The following RC3H1 variants were observed in gnomAD, a reference collection of about 807,000 sequenced individuals.
The protein encoded by RC3H1 is ring finger and CCCH-type domains 1.
Under a neutral mutation model 138.2 loss-of-function variants are expected in RC3H1, and 50 were observed. That is an observed-to-expected ratio of 0.36 (90% CI 0.29 to 0.46). RC3H1 has a LOEUF of 0.46. Ranked by LOEUF, RC3H1 falls within the 20% of genes least tolerant of loss-of-function variation. RC3H1 has a pLI of 1.00. For synonymous variants in RC3H1, 462 were observed against 489.1 expected (o/e 0.94, Z 0.73); for missense variants, 1,031 against 1,388.1 (o/e 0.74, Z 4.09).
intron 1 of RC3H1, among the ~76,000 whole-genome samples, chr1:174,003,861 C>T (rs915441019): frequency 2.6e-4 from 39 of 151,638 alleles, no homozygotes; most frequent in African/African-American, 9.4e-4. Flanking sequence ...CGGGGTTTCA[C>T]CGTGTTAGCC....
intron 2 of RC3H1, 44 bp downstream of exon 2, chr1:173,992,711 G>GAT (rs1398190489): frequency 7.1e-7 from 1 of 1,401,134 alleles, no homozygotes; most frequent in East Asian, 2.3e-5. Context: ...GAGAGAGAGA[G>GAT]AGAGAGAGGG....
chr1:173,982,001 T>C (rs1248606859), intron 5 of RC3H1, among the ~76,000 whole-genome samples: 1 of 152,226 alleles, frequency 6.6e-6, no homozygotes, highest in African/African-American at 2.4e-5. Context: ...TAAGAGACTA[T>C]GTCCAGCATT....
chr1:173,994,124 T>C lies in RC3H1; in HGVS notation c.-150-989A>G, dbSNP rs912173871. ...TAACTTTTGACAGCCAGGCGCGGTG[T>C]CTCAGGTTTGTAATCCCAGCGCTTT... On this transcript the variant is annotated intron_variant, in intron 1 of 19. Transcript: ENST00000367696. 4.7e-5 allele frequency among the ~76,000 whole-genome samples: 7 copies of C among 148,184 alleles called. No individual in the cohort carries two copies. The East Asian group carries it at 6.1e-4, about 13-fold the overall frequency.
chr1:174,010,404 A>G (rs758839649), intron 1 of RC3H1, among the ~76,000 whole-genome samples: 1 of 151,882 alleles, frequency 6.6e-6, no homozygotes, highest in Admixed American at 6.6e-5. Flanking sequence ...CTAGATCACA[A>G]AGCAACCTTT....
intron 13 of RC3H1, among the ~76,000 whole-genome samples, chr1:173,956,708 G>T (rs991176491): frequency 6.7e-6 from 1 of 149,284 alleles, no homozygotes; most frequent in Non-Finnish European, 1.5e-5. Context: ...ATATCACTCT[G>T]TATCCCATAA....
chr1:173,960,571 G>A (rs1659829458), intron 13 of RC3H1, among the ~76,000 whole-genome samples: 2 of 152,130 alleles, frequency 1.3e-5, no homozygotes, highest in Admixed American at 6.6e-5. Flanking sequence ...CTACCATACT[G>A]GACAGCACAG....
Position 173,984,557 on chromosome 1 carries a change from T to A in RC3H1, c.294A>T (p.Glu98Asp). 1 of 1,614,044 alleles carries A rather than the reference T, an allele frequency of 6.2e-7. No individual in the cohort carries two copies. Among genetic ancestry groups the A allele is most frequent in the East Asian group, 2.2e-5 (1 of 44,864 alleles). Residue 98 changes from glutamate (E) to aspartate (D), a missense_variant, in exon 3 of 20, where the codon GAA (glutamate) becomes GAT (aspartate). Glu to Asp is a conservative substitution (Grantham distance 45). Transcript: ENST00000367696. Reference protein sequence around the residue: ...SGVEDTKHYEEAKKCVEELAL... With the variant: ...SGVEDTKHYEDAKKCVEELAL... ...CTAATTCTTCTACACATTTCTTGGC[T>A]TCCTCATAATGCTTTGTGTCTTCAA...
At chr1:174,003,038 C>T (rs1661588176) in intron 1 of RC3H1, among the ~76,000 whole-genome samples, 1 of 152,122 alleles carries the variant, frequency 6.6e-6, no homozygotes, top group Admixed American at 6.6e-5. Context: ...TCCTCCCCAC[C>T]AAACCTTTTG....
Position 173,993,142 on chromosome 1 carries a change from A to G in RC3H1, c.-150-7T>C, listed in dbSNP as rs1661365915. 1 of 602,808 alleles carries G rather than the reference A, an allele frequency of 1.7e-6. No individual in the cohort carries two copies. The highest frequency in any genetic ancestry group is 2.9e-6 in the Non-Finnish European group (1 of 343,848). 37.3% of individuals were successfully genotyped at this position (602,808 alleles called of 1,614,324 possible). ...ACATAGTGTGAAATATAACCTGAAA[A>G]TAAAGAAAAAGGAAAAAAATTGAGT... On this transcript the variant is annotated splice_region_variant and splice_polypyrimidine_tract_variant and intron_variant, in intron 1 of 19. Coordinates refer to ENST00000367696, the MANE Select transcript of RC3H1 (RefSeq NM_172071.4).
At chr1:173,956,488 C>T (rs1659652473) in intron 13 of RC3H1, among the ~76,000 whole-genome samples, 1 of 151,460 alleles carries the variant, frequency 6.6e-6, no homozygotes, top group African/African-American at 2.4e-5. Flanking sequence ...GGAGAAACCC[C>T]ATCTCTACTA....
chr1:173,960,453 C>T (rs1027474448), intron 13 of RC3H1, among the ~76,000 whole-genome samples: 4 of 152,084 alleles, frequency 2.6e-5, no homozygotes, highest in Non-Finnish European at 4.4e-5. Context: ...ATGAATTTTA[C>T]ATTTTTGGTA....
intron 1 of RC3H1, among the ~76,000 whole-genome samples, chr1:174,017,844 G>T (rs1661890716): frequency 1.4e-5 from 2 of 140,532 alleles, no homozygotes; most frequent in African/African-American, 5.6e-5. Context: ...TTAGATCTTG[G>T]AAATTTTTTA....
Position 173,938,403 on chromosome 1 carries a change from C to CT in RC3H1, c.*317dup, listed in dbSNP as rs201907495. On this transcript the variant is annotated 3_prime_UTR_variant, in exon 20 of 20. Transcript: ENST00000367696. ...ATCAAACAGAGTGTATATATAATAT[C>CT]TTTTTTTTTTAAAGCCCTGGATCCA... 2.0e-3 allele frequency: 352 copies of CT among 173,460 alleles called. No homozygotes were observed. Among genetic ancestry groups the CT allele is most frequent in the Non-Finnish European group, 3.0e-3 (250 of 83,126 alleles). The allele number at this position is 173,460 out of a possible 1,614,324, so 10.7% of individuals were successfully genotyped here. A position where few individuals can be genotyped will look rare whatever the true frequency, so the allele number is the denominator to read the frequency against.
chr1:173,977,490 A>C (rs546540440), intron 7 of RC3H1, among the ~76,000 whole-genome samples: 17 of 152,246 alleles, frequency 1.1e-4, no homozygotes, highest in Admixed American at 7.2e-4. Flanking sequence ...ATTATCAGAA[A>C]GAGGAAACAT....
At chr1:174,010,028 A>T (rs2103090928) in intron 1 of RC3H1, among the ~76,000 whole-genome samples, 1 of 152,238 alleles carries the variant, frequency 6.6e-6, no homozygotes, top group Non-Finnish European at 1.5e-5. Context: ...TTGGCAACTA[A>T]ATTTATTCTT....
intron 9 of RC3H1, among the ~76,000 whole-genome samples, chr1:173,968,272 T>C (rs893558486): frequency 6.6e-6 from 1 of 152,214 alleles, no homozygotes; most frequent in Admixed American, 6.5e-5. Context: ...ATTTATTCTT[T>C]ACAAATGAAT....
At chr1:173,948,552 C>T (rs758445185) in intron 14 of RC3H1, among the ~76,000 whole-genome samples, 9 of 152,042 alleles carry the variant, frequency 5.9e-5, no homozygotes, top group Non-Finnish European at 1.3e-4. Flanking sequence ...CTAGGTTAGA[C>T]TTCTTTCACC....
intron 8 of RC3H1, 61 bp from the exon 9 acceptor site, chr1:173,970,678 G>T: frequency 9.2e-7 from 1 of 1,090,172 alleles, no homozygotes; most frequent in Non-Finnish European, 1.4e-6. Context: ...CATAAATTTT[G>T]TGTTGTCATT....
At chr1:174,007,627 C>A (rs1465277287) in intron 1 of RC3H1, among the ~76,000 whole-genome samples, 1 of 151,968 alleles carries the variant, frequency 6.6e-6, no homozygotes, top group Non-Finnish European at 1.5e-5. Context: ...CCATGCCGGG[C>A]AACTTTTTAC....
Sources: gnomAD v4.1 joint callset for allele counts (sites outside exome capture counted in the v4.1 genomes callset) on GRCh38, gnomAD v4.1.1 for gene constraint, MANE v1.5 for transcripts, NCBI Gene and HGNC (gene_info 2026-07-23, HGNC 2026-07-21) for gene names.